The following CHRNB1 variants were observed in gnomAD, a reference collection of about 807,000 sequenced individuals.
The protein encoded by CHRNB1 is cholinergic receptor nicotinic beta 1 subunit.
CHRNB1 carries 47 observed loss-of-function variants against 53.8 expected under a neutral mutation model. The observed-to-expected ratio is 0.87, with a 90% CI of 0.69 to 1.11. CHRNB1 has a LOEUF of 1.11. Among genes scored for constraint, CHRNB1 ranks in the 50% most tolerant of loss-of-function variants. The pLI is 0.00. For synonymous variants in CHRNB1, 259 were observed against 263.5 expected (o/e 0.98, Z 0.16); for missense variants, 605 against 654.9 (o/e 0.92, Z 0.83).
chr17:7,447,216 T>C, intron 5 of CHRNB1, 65 bp downstream of exon 5: 1 of 1,383,590 alleles, frequency 7.2e-7, no homozygotes, highest in Non-Finnish European at 1.0e-6. Flanking sequence ...TTAGACATCC[T>C]GACTCCCCGG....
At chr17:7,446,270 G>A (rs1416947157) in intron 3 of CHRNB1, 157 bp downstream of exon 3, 6 of 687,708 alleles carry the variant, frequency 8.7e-6, no homozygotes, top group African/African-American at 1.8e-5. Flanking sequence ...CTTTACTACA[G>A]GAGTTACACC....
rs762913538 is a variant in CHRNB1, at chr17:7,447,685, A to C, written c.610+35A>C. 3.1e-6 allele frequency: 5 copies of C among 1,613,364 alleles called. 1 individual carries two copies. The highest frequency in any genetic ancestry group is 2.5e-6 in the Non-Finnish European group (3 of 1,179,346). ...CATGGCTCCTACATCCATGGGCTCT[A>C]TCATTTCCAGCTTCTAACAGACTCA... On this transcript the variant is annotated intron_variant, in intron 6 of 10. Coordinates refer to ENST00000306071, the MANE Select transcript of CHRNB1 (RefSeq NM_000747.3).
chr17:7,447,007 C>T (rs1483873201), intron 4 of CHRNB1, 36 bp from the exon 5 acceptor site: 1 of 1,610,044 alleles, frequency 6.2e-7, no homozygotes, highest in Non-Finnish European at 8.5e-7. Context: ...CCTCCGGGCG[C>T]GGGGCCTGAT....
At chr17:7,447,316 C>A (rs914917832) in intron 5 of CHRNB1, 165 bp downstream of exon 5, 9 of 913,304 alleles carry the variant, frequency 9.9e-6, no homozygotes, top group African/African-American at 1.6e-5. Flanking sequence ...GTGTTCTGTA[C>A]ACTTTCTTTG....
rs1186454483 is a variant in CHRNB1 at position 7,456,636 on chromosome 17, G to T, written c.1419G>T (p.Trp473Cys). 3 of 1,613,984 alleles carry T rather than the reference G, an allele frequency of 1.9e-6. No homozygotes were observed. Residue 473 changes from tryptophan to cysteine, a missense_variant, in exon 11 of 11, where the codon TGG (tryptophan) becomes TGT (cysteine). Transcript: ENST00000306071. ...TGGTAGTGGACCGCCTCTTCCTGTG[G>T]ACTTTCATCATCTTCACCAGCGTTG... ...VAMVVDRLFL[W>C]TFIIFTSVGT...
intron 7 of CHRNB1, among the ~76,000 whole-genome samples, chr17:7,452,761 G>A (rs1475680391): frequency 3.3e-5 from 5 of 152,208 alleles, no homozygotes; most frequent in Admixed American, 3.3e-4. Context: ...GGTGGCTCAC[G>A]CCTGTAATCC....
intron 7 of CHRNB1, among the ~76,000 whole-genome samples, chr17:7,449,398 C>T (rs536086180): frequency 1.6e-4 from 23 of 144,540 alleles, no homozygotes; most frequent in African/African-American, 4.3e-4. Context: ...CCACAGGGCC[C>T]GACCTTTTTT....
At chr17:7,447,304 G>A (rs1467358323) in intron 5 of CHRNB1, 153 bp downstream of exon 5, 4 of 911,624 alleles carry the variant, frequency 4.4e-6, no homozygotes, top group Non-Finnish European at 7.0e-6. Flanking sequence ...GTTTTCCATT[G>A]AGTGTTCTGT....
At chr17:7,448,516 C>T (rs1908751042) in intron 6 of CHRNB1, 63 bp from the exon 7 acceptor site, 4 of 1,532,040 alleles carry the variant, frequency 2.6e-6, no homozygotes, top group East Asian at 4.5e-5. Flanking sequence ...CAGAGCAAGC[C>T]ATACCTGGCA....
intron 9 of CHRNB1, 147 bp from the exon 10 acceptor site, chr17:7,455,647 G>A: frequency 1.6e-6 from 2 of 1,286,976 alleles, no homozygotes; most frequent in Non-Finnish European, 2.2e-6. Flanking sequence ...GTTGCACAAG[G>A]CTAGAGAGAT....
At chr17:7,456,491 G>A (rs1199688323) in intron 10 of CHRNB1, 92 bp from the exon 11 acceptor site, 1 of 1,545,988 alleles carries the variant, frequency 6.5e-7, no homozygotes, top group Non-Finnish European at 8.9e-7. Context: ...CCAGTGGTAG[G>A]AGGACTCAAG....
chr17:7,451,278 T>TC (rs202119993), intron 7 of CHRNB1, among the ~76,000 whole-genome samples: 2,489 of 136,012 alleles, frequency 0.018, 16 homozygotes, highest in Non-Finnish European at 0.03. Context: ...TCTTTTCTTT[T>TC]TTTTTTTTTT....
At chr17:7,451,322 G>C (rs1908881682) in intron 7 of CHRNB1, among the ~76,000 whole-genome samples, 1 of 138,636 alleles carries the variant, frequency 7.2e-6, no homozygotes, top group South Asian at 2.3e-4. Context: ...TGTCTCCCAG[G>C]CTGGCATGCA....
Position 7,445,289 on chromosome 17 carries a change from G to A in CHRNB1, c.78G>A (p.Ala26=), listed in dbSNP as rs776631018. ...CCCCAGGCGTCCGCGGCTCGGAGGC[G>A]GAGGGTCGACTCCGGGAGAAACTTT... ...PLAPGVRGSE[A]EGRLREKLFS... Residue 26 remains alanine, a synonymous_variant, in exon 2 of 11, where the codon GCG becomes GCA. Coordinates refer to ENST00000306071, the MANE Select transcript of CHRNB1 (RefSeq NM_000747.3). The surrounding 1 kb of genome is among the most constrained non-coding windows in gnomAD (Gnocchi z 5.7). The A allele has an allele frequency of 1.9e-6, 3 of 1,612,736 alleles. No individual in the cohort carries two copies. The highest frequency in any genetic ancestry group is 3.3e-5 in the Admixed American group (2 of 59,984).
Position 7,457,002 on chromosome 17 carries a change from ATTATAAGCC to A in CHRNB1, c.*284_*292del. On this transcript the variant is annotated 3_prime_UTR_variant, in exon 11 of 11. Coordinates refer to ENST00000306071, the MANE Select transcript of CHRNB1 (RefSeq NM_000747.3). Reference sequence around the variant, plus strand: ...AAATAGAACACAGAACAGGAACTAGATTATAAGCCTTATGAGGTCAAGAAATGTGACTTG... The same window carrying A: ...AAATAGAACACAGAACAGGAACTAGATTATGAGGTCAAGAAATGTGACTTG... The A allele has an allele frequency of 2.1e-6, 1 of 471,404 alleles. No homozygotes were observed. The highest frequency in any genetic ancestry group is 3.9e-6 in the Non-Finnish European group (1 of 256,848). The allele number at this position is 471,404 out of a possible 1,614,324, so 29.2% of individuals were successfully genotyped here. A position where few individuals can be genotyped will look rare whatever the true frequency, so the allele number is the denominator to read the frequency against.
Position 7,454,414 on chromosome 17 carries a change from T to A in CHRNB1, c.938T>A (p.Met313Lys), listed in dbSNP as rs375505960. 1 of 1,614,122 alleles carries A rather than the reference T, an allele frequency of 6.2e-7. No individual in the cohort carries two copies. ...GTACCCATTATTATCAAGTACCTCA[T>A]GTTTACCATGGTCCTCGTCACCTTC... The part of the protein sequence containing the change: ...LSVPIIIKYL[M>K]FTMVLVTFSV... The change falls in exon 8 of 11, where the codon ATG becomes AAG. Residue 313 changes from methionine to lysine, a missense_variant. By Grantham distance (95) the Met-to-Lys change is moderately conservative (BLOSUM62 -1). Coordinates refer to ENST00000306071, the MANE Select transcript of CHRNB1 (RefSeq NM_000747.3).
chr17:7,450,840 C>T (rs982365748), intron 7 of CHRNB1, among the ~76,000 whole-genome samples: 3 of 152,164 alleles, frequency 2.0e-5, no homozygotes, highest in Non-Finnish European at 4.4e-5. Context: ...ACCTGATATC[C>T]TTAGCTCTGG....
rs770359368 is a variant in CHRNB1 at position 7,445,166 on chromosome 17, G to A, written c.39G>A (p.Leu13=). The A allele has an allele frequency of 1.2e-6, 2 of 1,609,150 alleles. No homozygotes were observed. Among genetic ancestry groups the A allele is most frequent in the East Asian group, 4.5e-5 (2 of 44,830 alleles). The change falls in exon 1 of 11, where the codon CTG becomes CTA. Residue 13 remains leucine (L), a synonymous_variant. Transcript: ENST00000306071. The surrounding 1 kb of genome is among the most constrained non-coding windows in gnomAD (Gnocchi z 5.7). ...PGALLMLLGA[L]GAPLAPGVRG... ...CTCTGCTGATGCTGCTGGGGGCGCT[G>A]GGGGCGCCGCTCGCCCCAGGTAAGT...
In CHRNB1 at chr17:7,447,581, C is replaced by T; in HGVS notation, c.541C>T (p.Leu181=). 2.5e-6 allele frequency: 4 copies of T among 1,614,194 alleles called. No homozygotes were observed. The highest frequency in any genetic ancestry group is 1.3e-5 in the African/African-American group (1 of 75,038). Reference sequence around the variant, plus strand: ...CAGCTACGACAGCTCGGAGGTCAGCCTGCAGACAGGCCTGGGTCCTGACGG... The same window carrying T: ...CAGCTACGACAGCTCGGAGGTCAGCTTGCAGACAGGCCTGGGTCCTGACGG... The part of the protein sequence containing the change: ...SYSYDSSEVS[L]QTGLGPDGQG... The change falls in exon 6 of 11, where the codon CTG becomes TTG. Residue 181 remains leucine, a synonymous_variant. Transcript: ENST00000306071.
Sources: gnomAD v4.1 joint callset for allele counts (sites outside exome capture counted in the v4.1 genomes callset) on GRCh38, gnomAD v4.1.1 for gene constraint, Gnocchi (gnomAD v3.1) non-coding constraint, MANE v1.5 for transcripts, NCBI Gene and HGNC (gene_info 2026-07-23, HGNC 2026-07-21) for gene names.